The following PDE6A variants were observed in gnomAD, a reference collection of about 807,000 sequenced individuals.
PDE6A encodes rod cGMP-specific 3',5'-cyclic phosphodiesterase subunit alpha.
PDE6A carries 84 observed loss-of-function variants against 106.3 expected under a neutral mutation model. The observed-to-expected ratio is 0.79, with a 90% confidence interval of 0.66 to 0.95. The LOEUF (loss-of-function observed/expected upper bound fraction) is 0.95, where lower values mean the gene tolerates loss of function less well. PDE6A is among the 40% of genes least tolerant of loss of function. The probability of loss-of-function intolerance (pLI) is 0.00; values close to 1 mark genes in which losing one functional copy is unlikely to be tolerated. For missense variants in PDE6A, 1,052 were observed against 1,084.9 expected, an observed-to-expected ratio of 0.97 and a Z score of 0.43; for synonymous variants, 394 against 386.6, an observed-to-expected ratio of 1.02 and a Z score of -0.23.
intron 7 of PDE6A, among the ~76,000 whole-genome samples, chr5:149,906,095 T>G (rs548275876): frequency 6.6e-6 from 1 of 152,046 alleles, no homozygotes; most frequent in African/African-American, 2.4e-5. Flanking sequence ...TGGGCTCAAG[T>G]GATCCTCCTG....
At chr5:149,936,017 G>A (rs530407327) in intron 1 of PDE6A, among the ~76,000 whole-genome samples, 176 of 152,196 alleles carry the variant, frequency 1.2e-3, no homozygotes, top group African/African-American at 4.1e-3. Flanking sequence ...AGCCAGGTGT[G>A]GTGACATGTG....
intron 7 of PDE6A, among the ~76,000 whole-genome samples, chr5:149,904,663 C>T (rs956562619): frequency 2.0e-5 from 3 of 152,160 alleles, no homozygotes; most frequent in African/African-American, 7.2e-5. Context: ...CAGGAGTGGG[C>T]TGTCTGTGGT....
intron 4 of PDE6A, among the ~76,000 whole-genome samples, chr5:149,928,977 G>T (rs1753948465): frequency 6.6e-6 from 1 of 152,150 alleles, no homozygotes; most frequent in Admixed American, 6.5e-5. Context: ...AATGGCTAAA[G>T]TTACTAAGAA....
chr5:149,918,859 G>A (rs1215246755), intron 5 of PDE6A, among the ~76,000 whole-genome samples: 1 of 152,024 alleles, frequency 6.6e-6, no homozygotes, highest in Non-Finnish European at 1.5e-5. Flanking sequence ...CTGGCCTTAA[G>A]TGATCCTTCT....
At chr5:149,867,898 A>G in intron 18 of PDE6A, 99 bp from the exon 19 acceptor site, 3 of 1,259,624 alleles carry the variant, frequency 2.4e-6, no homozygotes, top group East Asian at 4.7e-5. Flanking sequence ...AACAAAAAGG[A>G]TAAACCCATC....
rs569555322 is a variant in PDE6A, at chr5:149,879,327, C to T, written c.2135+4102G>A. Among the ~76,000 whole-genome samples the T allele has an allele frequency of 4.9e-3, 745 of 152,302 alleles. 2 individuals carry two copies. Among genetic ancestry groups the T allele is most frequent in the Non-Finnish European group, 7.3e-3 (495 of 68,030 alleles). The stretch of plus-strand genomic sequence containing the variant: ...CCTCAGGTGATCCGCCTGCCTCAGC[C>T]TCCCAAAGTGTTGGGATTACAGGCA... On this transcript the variant is annotated intron_variant, in intron 17 of 21. Transcript: ENST00000255266.
chr5:149,894,129 C>G (rs1222932561), intron 13 of PDE6A, among the ~76,000 whole-genome samples: 3 of 152,126 alleles, frequency 2.0e-5, no homozygotes, highest in African/African-American at 7.2e-5. Context: ...AGAAGCAACT[C>G]TCTAAAAAGT....
rs200568837 is a variant in PDE6A at position 149,896,801 on chromosome 5, GA to G, written c.1408-26del. The G allele has an allele frequency of 4.3e-5, 70 of 1,609,598 alleles. No homozygotes were observed. In the African/African-American group the frequency reaches 5.1e-4, roughly 12 times the overall value. On this transcript the variant is annotated intron_variant, in intron 10 of 21. Transcript: ENST00000255266. ...TCTGCCAGGACCCAAAATGGCAGGG[GA>G]AAAAAAATAGGTTACAACATGCCTC...
intron 8 of PDE6A, among the ~76,000 whole-genome samples, chr5:149,903,301 T>A (rs968002122): frequency 6.7e-6 from 1 of 150,150 alleles, no homozygotes; most frequent in Non-Finnish European, 1.5e-5. Flanking sequence ...TTGTATATCT[T>A]GTATACAATA....
intron 1 of PDE6A, among the ~76,000 whole-genome samples, chr5:149,941,212 C>G (rs1055655982): frequency 2.0e-5 from 3 of 152,212 alleles, no homozygotes; most frequent in African/African-American, 7.2e-5. Context: ...GTGCTGGGTC[C>G]TGGAGTAAAA....
At chr5:149,908,195 C>T (rs1340308063) in intron 6 of PDE6A, among the ~76,000 whole-genome samples, 1 of 152,170 alleles carries the variant, frequency 6.6e-6, no homozygotes, top group Non-Finnish European at 1.5e-5. Flanking sequence ...TTACAGTGTT[C>T]CCTACACTAC....
chr5:149,907,322 T>G lies in PDE6A; in HGVS notation c.1055A>C (p.Gln352Pro), dbSNP rs746945402. Reference protein sequence around the residue: ...LVSGLPAYVAQNGLICNIMNA... With the variant: ...LVSGLPAYVAPNGLICNIMNA... ...AGTTATATTACTTACCAGGCCATTC[T>G]GGGCAACATAAGCTGGGAGACCGCT... The change falls in exon 7 of 22, where the codon CAG (glutamine) becomes CCG (proline). Residue 352 changes from glutamine (Q) to proline (P), a missense_variant. This residue lies in a region of PDE6A where 913 missense variants were observed against 915.2 expected (regional missense o/e 1.00). Transcript: ENST00000255266. 1 of 1,613,424 alleles carries G rather than the reference T, an allele frequency of 6.2e-7. No homozygotes were observed. The highest frequency in any genetic ancestry group is 8.5e-7 in the Non-Finnish European group (1 of 1,179,310).
chr5:149,911,838 T>C (rs889725079), intron 6 of PDE6A, among the ~76,000 whole-genome samples: 3 of 97,648 alleles, frequency 3.1e-5, no homozygotes, highest in Non-Finnish European at 6.2e-5. Flanking sequence ...CCCATCTCTA[T>C]TACCAAAAAA....
rs1335538800 is a variant in PDE6A, at chr5:149,877,543, G to C, written c.2135+5886C>G. On this transcript the variant is annotated intron_variant, in intron 17 of 21. Coordinates refer to ENST00000255266, the MANE Select transcript of PDE6A (RefSeq NM_000440.3). ...TCCTGCCTCAGCCTCCCGAGTAGCT[G>C]GGATTACAGGCACGCACCACAATGC... Among the ~76,000 whole-genome samples the C allele has an allele frequency of 1.3e-5, 2 of 152,120 alleles. 1 individual carries two copies. Among genetic ancestry groups the C allele is most frequent in the African/African-American group, 4.8e-5 (2 of 41,434 alleles).
intron 1 of PDE6A, among the ~76,000 whole-genome samples, chr5:149,936,652 A>G (rs1412176249): frequency 6.6e-6 from 1 of 152,332 alleles, no homozygotes; most frequent in East Asian, 1.9e-4. Context: ...TGGCATTTAC[A>G]TGATCATTAT....
chr5:149,889,259 T>C (rs1752450442), intron 13 of PDE6A, among the ~76,000 whole-genome samples: 1 of 151,954 alleles, frequency 6.6e-6, no homozygotes, highest in Admixed American at 6.6e-5. Context: ...AGGAAATTTA[T>C]CTTTTAGGTA....
intron 4 of PDE6A, among the ~76,000 whole-genome samples, chr5:149,928,179 A>T (rs1488153737): frequency 7.3e-6 from 1 of 136,688 alleles, no homozygotes; most frequent in Non-Finnish European, 1.5e-5. Flanking sequence ...ATTATCAAGC[A>T]TTATGTACTA....
intron 1 of PDE6A, among the ~76,000 whole-genome samples, chr5:149,941,116 A>G (rs1241011539): frequency 6.6e-6 from 1 of 152,196 alleles, no homozygotes; most frequent in Non-Finnish European, 1.5e-5. Flanking sequence ...TGGGTGAGAC[A>G]GTGTTAAAGA....
chr5:149,936,076 C>G (rs1003198331), intron 1 of PDE6A, among the ~76,000 whole-genome samples: 3 of 151,726 alleles, frequency 2.0e-5, no homozygotes, highest in Non-Finnish European at 4.4e-5. Context: ...ATTGCTTGAG[C>G]CCAGGAGTTG....
Sources: allele counts gnomAD v4.1 joint callset (sites outside exome capture counted in the v4.1 genomes callset), GRCh38; gene constraint gnomAD v4.1.1; regional missense constraint gnomAD v4.1.1; transcripts MANE v1.5; gene names NCBI Gene and HGNC (gene_info 2026-07-23, HGNC 2026-07-21).